RELN: variants seen among roughly 807,000 people sequenced by gnomAD.
The protein encoded by RELN is reelin.
A neutral mutation model predicts 427.6 loss-of-function variants in RELN; 108 were observed. That is an observed-to-expected ratio of 0.25 (90% CI 0.22 to 0.30). The LOEUF (loss-of-function observed/expected upper bound fraction) is 0.30, where lower values mean the gene tolerates loss of function less well. Ranked by LOEUF, RELN falls within the 10% of genes least tolerant of loss-of-function variation. The probability of loss-of-function intolerance (pLI) is 1.00; values close to 1 mark genes in which losing one functional copy is unlikely to be tolerated. For missense variants in RELN, 3,715 were observed against 4,302.8 expected (o/e 0.86, Z 3.82); for synonymous variants, 1,524 against 1,513.4 (o/e 1.01, Z -0.16).
chr7:103,559,502 T>A lies in RELN; in HGVS notation c.5530-1453A>T, dbSNP rs143932296. The stretch of plus-strand genomic sequence containing the variant: ...TGTTCGGTCCATGATACCTAACCCA[T>A]GCATCTTCTTCATTTCTTCATGTCT... On this transcript the variant is annotated intron_variant, in intron 36 of 64. Transcript: ENST00000428762. Among the ~76,000 whole-genome samples, 1,019 of 152,338 alleles carry A rather than the reference T, an allele frequency of 6.7e-3. 15 individuals carry two copies. Among genetic ancestry groups the A allele is most frequent in the African/African-American group, 0.024 (980 of 41,574 alleles).
rs556886265 is a variant in RELN at position 103,702,565 on chromosome 7, G to A, written c.806-1559C>T. On this transcript the variant is annotated intron_variant, in intron 8 of 64. Coordinates refer to ENST00000428762, the MANE Select transcript of RELN (RefSeq NM_005045.4). The stretch of plus-strand genomic sequence containing the variant: ...TAAATATGGCCTTGATGACAAATAC[G>A]ACTTCTCTTGTCTATTTTCTTATGC... 8.5e-5 allele frequency among the ~76,000 whole-genome samples: 13 copies of A among 152,180 alleles called. No individual in the cohort carries two copies. The South Asian group carries it at 1.5e-3, about 17-fold the overall frequency.
rs1791617681 is a variant in RELN at position 103,773,120 on chromosome 7, C to CTTTT, written c.544+3436_544+3437insAAAA. Among the ~76,000 whole-genome samples, 3 of 79,012 alleles carry CTTTT rather than the reference C, an allele frequency of 3.8e-5. No homozygotes were observed. The South Asian group carries it at 1.5e-3, about 39-fold the overall frequency. 51.8% of individuals were successfully genotyped at this position (79,012 alleles called of 152,430 possible). On this transcript the variant is annotated intron_variant, in intron 4 of 64. Transcript: ENST00000428762. ...TCCTCTTTTCTTTCTTTCTTTCTTT[C>CTTTT]TTTCTTTCTTTCTTTCTTTCTTTCT...
intron 3 of RELN, among the ~76,000 whole-genome samples, chr7:103,801,982 C>A (rs922137222): frequency 1.3e-5 from 2 of 152,098 alleles, no homozygotes; most frequent in South Asian, 4.1e-4. Flanking sequence ...TGCACTGGTA[C>A]GTATTTACAT....
At chr7:103,812,257 C>T (rs996809006) in intron 3 of RELN, among the ~76,000 whole-genome samples, 2 of 152,118 alleles carry the variant, frequency 1.3e-5, no homozygotes, top group Non-Finnish European at 2.9e-5. Context: ...CTCCCCAGAC[C>T]CTCAGAAACT....
intron 50 of RELN, chr7:103,512,774 A>G (rs2117069497): frequency 6.6e-6 from 1 of 152,332 alleles, no homozygotes; most frequent in East Asian, 1.9e-4. Context: ...TATAGGTCCA[A>G]TTCTTTTCTA....
chr7:103,514,006 C>A (rs913474936), intron 50 of RELN: 1 of 151,938 alleles, frequency 6.6e-6, no homozygotes, highest in Non-Finnish European at 1.5e-5. Context: ...TTTTTAAACT[C>A]CTCAAGTTTC....
At chr7:103,733,740 T>G in intron 6 of RELN, among the ~76,000 whole-genome samples, 4 of 141,048 alleles carry the variant, frequency 2.8e-5, no homozygotes, top group Admixed American at 7.2e-5. Context: ...AATTGAACAA[T>G]GAGATCACAT....
intron 11 of RELN, among the ~76,000 whole-genome samples, chr7:103,667,376 A>C (rs1371599224): frequency 6.6e-6 from 1 of 152,220 alleles, no homozygotes; most frequent in Non-Finnish European, 1.5e-5. Flanking sequence ...ATGTTAAATA[A>C]TCAATTTTTA....
intron 55 of RELN, 107 bp from the exon 56 acceptor site, chr7:103,496,875 C>G (rs1244790670): frequency 1.5e-6 from 2 of 1,313,628 alleles, no homozygotes; most frequent in Admixed American, 3.5e-5. Context: ...AAATTTTCAG[C>G]CAGGAAATGA....
At chr7:103,610,875 C>A (rs1245980074) in intron 21 of RELN, 68 bp from the exon 22 acceptor site, 2 of 846,560 alleles carry the variant, frequency 2.4e-6, no homozygotes, top group Non-Finnish European at 4.1e-6. Flanking sequence ...GTCTACTCAC[C>A]CACTGTAAGT....
intron 6 of RELN, among the ~76,000 whole-genome samples, chr7:103,748,130 C>T (rs1790893440): frequency 7.4e-6 from 1 of 135,692 alleles, no homozygotes; most frequent in African/African-American, 2.6e-5. Flanking sequence ...AAAAGTGCTA[C>T]TTAGAAAGGT....
chr7:103,607,421 G>A (rs990684218), intron 22 of RELN, among the ~76,000 whole-genome samples: 3 of 152,104 alleles, frequency 2.0e-5, no homozygotes, highest in East Asian at 3.8e-4. Context: ...GATCTGCAGC[G>A]GTATCATTGC....
intron 3 of RELN, among the ~76,000 whole-genome samples, chr7:103,806,110 T>A (rs1459453750): frequency 6.6e-6 from 1 of 152,200 alleles, no homozygotes; most frequent in African/African-American, 2.4e-5. Context: ...AAAATAGTCA[T>A]GCTTAATTTT....
intron 51 of RELN, among the ~76,000 whole-genome samples, chr7:103,510,083 A>G (rs1029761318): frequency 6.6e-6 from 1 of 152,212 alleles, no homozygotes; most frequent in African/African-American, 2.4e-5. Flanking sequence ...CAGTGTGGCA[A>G]TTCCTCAAGG....
intron 2 of RELN, among the ~76,000 whole-genome samples, chr7:103,848,378 A>T (rs1793732102): frequency 6.6e-6 from 1 of 152,164 alleles, no homozygotes; most frequent in Non-Finnish European, 1.5e-5. Flanking sequence ...AATTGAGGGG[A>T]TTTTAAGACA....
chr7:103,833,756 T>C (rs1793331267), intron 2 of RELN, 84 bp from the exon 3 acceptor site: 1 of 1,386,638 alleles, frequency 7.2e-7, no homozygotes, highest in Non-Finnish European at 1.0e-6. Flanking sequence ...TCTGAATATT[T>C]TTCTTTCATG....
chr7:103,918,212 C>T (rs17157337), intron 1 of RELN, among the ~76,000 whole-genome samples: 34,144 of 151,972 alleles, frequency 0.22, 4,349 homozygotes, highest in African/African-American at 0.34. Context: ...ATGCTACTCC[C>T]ATAATGGCAT....
At chr7:103,894,112 C>G (rs1479538497) in intron 2 of RELN, among the ~76,000 whole-genome samples, 2 of 152,112 alleles carry the variant, frequency 1.3e-5, no homozygotes, top group African/African-American at 2.4e-5. Context: ...CTTCCTCATG[C>G]ATTTTCTTTT....
chr7:103,604,750 G>C (rs1831773566), intron 22 of RELN, among the ~76,000 whole-genome samples: 2 of 151,798 alleles, frequency 1.3e-5, no homozygotes, highest in African/African-American at 2.4e-5. Context: ...GATTTTGTTG[G>C]TTGCACAGAT....
Sources: gnomAD v4.1 joint callset for allele counts (sites outside exome capture counted in the v4.1 genomes callset) on GRCh38, gnomAD v4.1.1 for gene constraint, MANE v1.5 for transcripts, NCBI Gene and HGNC (gene_info 2026-07-23, HGNC 2026-07-21) for gene names.